SAMD5: variants seen among roughly 807,000 people sequenced by gnomAD.
SAMD5 encodes sterile alpha motif domain-containing protein 5.
Under a neutral mutation model 11.3 loss-of-function variants are expected in SAMD5, and 13 were observed. That is an observed-to-expected ratio of 1.15 (90% CI 0.75 to 1.83). The LOEUF is 1.83. SAMD5 is among the 40% of genes most tolerant of loss of function. The pLI is 0.00. For missense variants in SAMD5, 255 were observed against 239.1 expected, an observed-to-expected ratio of 1.07 and a Z score of -0.44; for synonymous variants, 129 against 111.3, an observed-to-expected ratio of 1.16 and a Z score of -1.00.
At chr6:147,881,071 A>C in the SAMD5 span, among the ~76,000 whole-genome samples, 5 of 152,200 alleles carry the variant, frequency 3.3e-5, 1 homozygote, top group Non-Finnish European at 2.9e-5. Context: ...CATAACAAAT[A>C]GGAAGACAAG....
chr6:147,651,162 A>G (rs940417751), intron 1 of SAMD5, among the ~76,000 whole-genome samples: 2 of 152,204 alleles, frequency 1.3e-5, no homozygotes, highest in African/African-American at 4.8e-5. Context: ...TTAGCCAAAA[A>G]TCAAACTTAG....
At chr6:147,892,743 G>C in the SAMD5 span, among the ~76,000 whole-genome samples, 3 of 152,168 alleles carry the variant, frequency 2.0e-5, no homozygotes, top group African/African-American at 7.2e-5. Flanking sequence ...GTTACTCCTA[G>C]AGACATCCAC....
the SAMD5 span, among the ~76,000 whole-genome samples, chr6:147,875,567 G>C: frequency 6.6e-6 from 1 of 152,144 alleles, no homozygotes; most frequent in Admixed American, 6.5e-5. Flanking sequence ...CCCCTGGTCT[G>C]TGGCCTGTTG....
the SAMD5 span, among the ~76,000 whole-genome samples, chr6:147,819,886 T>A: frequency 6.6e-6 from 1 of 152,314 alleles, no homozygotes; most frequent in African/African-American, 2.4e-5. Flanking sequence ...TCAGCAGATA[T>A]ACCCATAATT....
chr6:147,663,719 G>A (rs949087317), intron 1 of SAMD5, among the ~76,000 whole-genome samples: 1 of 150,774 alleles, frequency 6.6e-6, no homozygotes, highest in Non-Finnish European at 1.5e-5. Flanking sequence ...TTGAACCCGG[G>A]GGGCAGAGGT....
chr6:147,701,632 G>A (rs1472915706), intron 1 of SAMD5, among the ~76,000 whole-genome samples: 4 of 142,824 alleles, frequency 2.8e-5, no homozygotes, highest in African/African-American at 1.0e-4. Context: ...TCCAGGCTGG[G>A]CAACAGAGCT....
chr6:147,931,123 A>T, the SAMD5 span, among the ~76,000 whole-genome samples: 2 of 152,238 alleles, frequency 1.3e-5, no homozygotes, highest in African/African-American at 4.8e-5. Flanking sequence ...ACAGAAGAAC[A>T]TTCCAAATAG....
intron 1 of SAMD5, among the ~76,000 whole-genome samples, chr6:147,725,604 G>A (rs954258255): frequency 6.6e-6 from 1 of 152,142 alleles, no homozygotes; most frequent in African/African-American, 2.4e-5. Flanking sequence ...GGCCAGGCTG[G>A]TCTCGAACTC....
At chr6:147,648,820 T>C (rs1291942990) in intron 1 of SAMD5, among the ~76,000 whole-genome samples, 1 of 152,234 alleles carries the variant, frequency 6.6e-6, no homozygotes, top group Admixed American at 6.5e-5. Context: ...TTTTAACTTC[T>C]GCATTTATGT....
At chr6:147,872,562 C>T in the SAMD5 span, among the ~76,000 whole-genome samples, 7 of 152,144 alleles carry the variant, frequency 4.6e-5, 1 homozygote, top group African/African-American at 1.4e-4. Context: ...TGCCAAAGGT[C>T]ACATTGCTAG....
At chr6:147,880,100 A>G in the SAMD5 span, among the ~76,000 whole-genome samples, 1 of 152,204 alleles carries the variant, frequency 6.6e-6, no homozygotes, top group Non-Finnish European at 1.5e-5. Flanking sequence ...AATCTTCATA[A>G]AAATCCTGTG....
the SAMD5 span, among the ~76,000 whole-genome samples, chr6:147,771,993 T>G: frequency 2.0e-5 from 3 of 152,004 alleles, no homozygotes; most frequent in Non-Finnish European, 4.4e-5. Context: ...CACTTGAAAG[T>G]TTTTTCTGAA....
chr6:147,871,264 T>C, the SAMD5 span, among the ~76,000 whole-genome samples: 13 of 152,262 alleles, frequency 8.5e-5, no homozygotes, highest in African/African-American at 2.9e-4. Flanking sequence ...CATACACAAA[T>C]AAACTAATAT....
chr6:147,660,570 T>C (rs1489586940), intron 1 of SAMD5: 1 of 152,196 alleles, frequency 6.6e-6, no homozygotes, highest in Non-Finnish European at 1.5e-5. Flanking sequence ...ATCCCCCATA[T>C]TGGAGGAGGG....
intron 1 of SAMD5, among the ~76,000 whole-genome samples, chr6:147,732,766 C>T (rs927887170): frequency 6.6e-6 from 1 of 152,176 alleles, no homozygotes; most frequent in Non-Finnish European, 1.5e-5. Context: ...TTCTCTTCTC[C>T]TGTGCTTGTA....
chr6:147,933,651 T>C, the SAMD5 span, among the ~76,000 whole-genome samples: 12 of 148,300 alleles, frequency 8.1e-5, no homozygotes, highest in African/African-American at 3.2e-4. Flanking sequence ...AATCTAAAAT[T>C]CTGTGACATC....
intron 1 of SAMD5, among the ~76,000 whole-genome samples, chr6:147,679,439 A>G (rs1790910446): frequency 1.3e-5 from 2 of 152,036 alleles, no homozygotes; most frequent in African/African-American, 4.8e-5. Context: ...GTGCATTTGT[A>G]TATATTCTTT....
intron 1 of SAMD5, among the ~76,000 whole-genome samples, chr6:147,670,941 C>T (rs1379533549): frequency 6.6e-6 from 1 of 152,230 alleles, no homozygotes; most frequent in East Asian, 1.9e-4. Flanking sequence ...CCCATCTTGG[C>T]TTTTGACATG....
intron 1 of SAMD5, among the ~76,000 whole-genome samples, chr6:147,669,420 C>CTTTTTTTTT (rs55877273): frequency 1.3e-5 from 1 of 74,516 alleles, no homozygotes; most frequent in African/African-American, 5.3e-5. Flanking sequence ...AGCTCCACTT[C>CTTTTTTTTT]TTTTTTTTTT....
Sources: allele counts gnomAD v4.1 joint callset (sites outside exome capture counted in the v4.1 genomes callset), GRCh38; gene constraint gnomAD v4.1.1; transcripts MANE v1.5; gene names NCBI Gene and HGNC (gene_info 2026-07-23, HGNC 2026-07-21).